Variants in TLE2 observed in about 807,000 individuals in gnomAD.
The protein encoded by TLE2 is TLE family member 2, transcriptional corepressor.
A neutral mutation model predicts 97.2 loss-of-function variants in TLE2; 74 were observed. That is an observed-to-expected ratio of 0.76 (90% CI 0.63 to 0.92). The LOEUF is 0.92. Ranked by LOEUF, TLE2 falls within the 40% of genes least tolerant of loss-of-function variation. TLE2 has a pLI of 0.00. For missense variants in TLE2, 1,038 were observed against 1,008.7 expected, an observed-to-expected ratio of 1.03 and a Z score of -0.39; for synonymous variants, 499 against 432.1, an observed-to-expected ratio of 1.15 and a Z score of -1.92.
In TLE2 at chr19:3,014,581, C is replaced by T. The variant is rs759372852; in HGVS notation, c.712G>A (p.Val238Met). 3 of 1,591,006 alleles carry T rather than the reference C, an allele frequency of 1.9e-6. No individual in the cohort carries two copies. Among genetic ancestry groups the T allele is most frequent in the Non-Finnish European group, 1.7e-6 (2 of 1,168,440 alleles). Reference sequence around the variant, plus strand: ...ACCCCTGGACTCACCTCGTCCACCACCAGATTGTAATCACTCTTGTCTTCG... The same window carrying T: ...ACCCCTGGACTCACCTCGTCCACCATCAGATTGTAATCACTCTTGTCTTCG... ...SDEDKSDYNL[V>M]VDEDQPSEPP... The change falls in exon 10 of 20, where the codon GTG becomes ATG. Residue 238 changes from valine to methionine, a missense_variant. Coordinates refer to ENST00000262953, the MANE Select transcript of TLE2 (RefSeq NM_003260.5).
At chr19:3,005,212 A>C (rs573720141) in intron 17 of TLE2, among the ~76,000 whole-genome samples, 1 of 152,262 alleles carries the variant, frequency 6.6e-6, no homozygotes, top group South Asian at 2.1e-4. Context: ...TGGGGGTCTC[A>C]GTAGCCCCAC....
rs879362274 is a variant in TLE2 at position 3,024,576 on chromosome 19, G to A, written c.294+444C>T. ...CCTCAGTGACTTCTTCTAGCAAGAC[G>A]GTAGGGTTAACTTTCATCAGGTGCT... On this transcript the variant is annotated intron_variant, in intron 5 of 19. Transcript: ENST00000262953. Among the ~76,000 whole-genome samples, 5 of 151,934 alleles carry A rather than the reference G, an allele frequency of 3.3e-5. No homozygotes were observed. In the East Asian group the frequency reaches 5.8e-4, roughly 18 times the overall value.
chr19:3,025,722 G>C (rs2145203034), intron 4 of TLE2: 1 of 512,786 alleles, frequency 2.0e-6, no homozygotes, highest in Admixed American at 6.4e-5. Flanking sequence ...GCCTCTGCCT[G>C]AGTTACAGGT....
intron 5 of TLE2, among the ~76,000 whole-genome samples, chr19:3,021,797 G>T (rs1197431550): frequency 6.6e-6 from 1 of 151,998 alleles, no homozygotes; most frequent in Non-Finnish European, 1.5e-5. Flanking sequence ...TGACCAGGCT[G>T]GTCTTGAACT....
chr19:3,030,683 G>C (rs1422176087), upstream of TLE2, among the ~76,000 whole-genome samples: 2 of 152,092 alleles, frequency 1.3e-5, no homozygotes, highest in Non-Finnish European at 2.9e-5. Flanking sequence ...CAGCACTTTG[G>C]GAAGCTGAGG....
chr19:3,043,227 C>T (rs537383882), intron 1 of TLE2, among the ~76,000 whole-genome samples: 36 of 152,146 alleles, frequency 2.4e-4, no homozygotes, highest in Non-Finnish European at 4.0e-4. Flanking sequence ...GCAATCCTCC[C>T]GCCTCAGCCT....
At chr19:3,029,776 C>T (rs73919261), upstream of TLE2, among the ~76,000 whole-genome samples, 2,556 of 152,082 alleles carry the variant, frequency 0.017, 76 homozygotes, top group African/African-American at 0.059. Context: ...TGCAAAAGGT[C>T]AGGGGTGGTG....
At chr19:3,026,596 C>G (rs1260310439) in intron 4 of TLE2, among the ~76,000 whole-genome samples, 1 of 83,258 alleles carries the variant, frequency 1.2e-5, no homozygotes, top group Non-Finnish European at 2.3e-5. Context: ...TATCTCTGAA[C>G]CCTGAGGTCA....
rs1301442900 is a variant in TLE2, at chr19:3,019,267, C to T, written c.550+16G>A. The T allele has an allele frequency of 2.1e-5, 33 of 1,567,080 alleles. No homozygotes were observed. Among genetic ancestry groups the T allele is most frequent in the Non-Finnish European group, 2.7e-5 (31 of 1,164,832 alleles). On this transcript the variant is annotated intron_variant, in intron 7 of 19. Coordinates refer to ENST00000262953, the MANE Select transcript of TLE2 (RefSeq NM_003260.5). The surrounding 1 kb of genome is among the most constrained non-coding windows in gnomAD (Gnocchi z 5.1). ...CCCGTCTCCCCAGCCAATGCCACCCCGTGCTGCCCACTCACCTCTGGACCC... is the reference window on the plus strand; with the variant it reads ...CCCGTCTCCCCAGCCAATGCCACCCTGTGCTGCCCACTCACCTCTGGACCC...
chr19:3,012,378 G>C (rs1156693858), intron 11 of TLE2, among the ~76,000 whole-genome samples: 2 of 152,180 alleles, frequency 1.3e-5, no homozygotes, highest in East Asian at 1.9e-4. Flanking sequence ...TCCATGCCCG[G>C]CTAACTTTTT....
chr19:3,015,623 C>T, intron 9 of TLE2, 30 bp downstream of exon 9: 1 of 1,547,016 alleles, frequency 6.5e-7, no homozygotes, highest in Non-Finnish European at 8.8e-7. Context: ...CATGCACGCC[C>T]ATCCCAGTCC....
At chr19:3,045,014 T>G (rs1310867437) in intron 1 of TLE2, among the ~76,000 whole-genome samples, 3 of 151,890 alleles carry the variant, frequency 2.0e-5, no homozygotes, top group Admixed American at 6.6e-5. Context: ...GGTCAGGAGT[T>G]TCAGACCAGC....
chr19:3,036,406 G>C (rs1030530958), intron 1 of TLE2, among the ~76,000 whole-genome samples: 1 of 152,214 alleles, frequency 6.6e-6, no homozygotes, highest in African/African-American at 2.4e-5. Context: ...GGCCCGGCGC[G>C]GTATAATTAC....
At chr19:3,018,597 AT>A (rs1412654016) in intron 7 of TLE2, among the ~76,000 whole-genome samples, 1 of 143,290 alleles carries the variant, frequency 7.0e-6, no homozygotes, top group Non-Finnish European at 1.5e-5. Flanking sequence ...CTGGCTATCT[AT>A]TTTTATTTAT....
chr19:2,999,299 CTG>C (rs1018299233), intron 19 of TLE2, among the ~76,000 whole-genome samples: 3 of 151,574 alleles, frequency 2.0e-5, no homozygotes, highest in African/African-American at 7.3e-5. Context: ...CAAAAAAACA[CTG>C]TACCAACCAG....
At position 3,013,797 on chromosome 19, in the gene TLE2, TG is replaced by T; in HGVS notation, c.744del (p.Ser249AlafsTer43). 3.2e-6 allele frequency: 5 copies of T among 1,550,564 alleles called. No individual in the cohort carries two copies. Among genetic ancestry groups the T allele is most frequent in the Admixed American group, 2.1e-5 (1 of 48,684 alleles). On this transcript the variant is annotated frameshift_variant, in exon 11 of 20. Coordinates refer to ENST00000262953, the MANE Select transcript of TLE2 (RefSeq NM_003260.5). LOFTEE classifies it high-confidence loss of function. ...TTTCCGCAGGGGGTGGTAGCCGGGC[TG>T]GGGGGCTCTGAGGGTTGGTCCTGGG... ...VVDEDQPSEP[P>X]SPATTPCGKV...
intron 1 of TLE2, among the ~76,000 whole-genome samples, chr19:3,037,141 C>T (rs998596774): frequency 6.6e-6 from 1 of 152,046 alleles, no homozygotes; most frequent in African/African-American, 2.4e-5. Context: ...AAAAATTAGC[C>T]GGACATGGTG....
chr19:3,036,332 G>C (rs974364837), intron 1 of TLE2, among the ~76,000 whole-genome samples: 2 of 152,174 alleles, frequency 1.3e-5, no homozygotes, highest in East Asian at 1.9e-4. Flanking sequence ...GTACCTCTCC[G>C]GCCCGCGCTC....
intron 11 of TLE2, among the ~76,000 whole-genome samples, chr19:3,011,736 G>C (rs1390128041): frequency 6.6e-6 from 1 of 151,768 alleles, no homozygotes; most frequent in Non-Finnish European, 1.5e-5. Context: ...TGTAATTCCA[G>C]CTACTTGGGA....
Sources: allele counts gnomAD v4.1 joint callset (sites outside exome capture counted in the v4.1 genomes callset), GRCh38; gene constraint gnomAD v4.1.1; non-coding constraint Gnocchi (gnomAD v3.1); transcripts MANE v1.5; gene names NCBI Gene and HGNC (gene_info 2026-07-23, HGNC 2026-07-21).